Variants in CASP10 observed in about 807,000 individuals in gnomAD.
The protein encoded by CASP10 is caspase-10.
In CASP10, 41 loss-of-function variants were observed where a neutral mutation model predicts 48.5. The observed-to-expected ratio is 0.85, with a 90% CI of 0.66 to 1.10. CASP10 has a LOEUF of 1.10. CASP10 is among the 50% of genes least tolerant of loss of function. The pLI, the probability that CASP10 is intolerant of heterozygous loss-of-function variation, is 0.00. For synonymous variants in CASP10, 232 were observed against 238.4 expected, an observed-to-expected ratio of 0.97 and a Z score of 0.25; for missense variants, 614 against 614.5, an observed-to-expected ratio of 1.00 and a Z score of 0.01.
intron 3 of CASP10, among the ~76,000 whole-genome samples, chr2:201,189,952 G>A (rs1944550510): frequency 6.6e-6 from 1 of 152,102 alleles, no homozygotes; most frequent in Non-Finnish European, 1.5e-5. Context: ...GTGAGCAATG[G>A]CTGTGCCATT....
In CASP10 at chr2:201,217,913, T is replaced by C. The variant is rs533505885; in HGVS notation, c.*172T>C. On this transcript the variant is annotated 3_prime_UTR_variant, in exon 10 of 10. Transcript: ENST00000286186. ...CTTTTTCTTTTGCAAGTCTAAATGTTAGAAAACTTTCTTTTTTTTGGAGAT... is the reference window on the plus strand; with the variant it reads ...CTTTTTCTTTTGCAAGTCTAAATGTCAGAAAACTTTCTTTTTTTTGGAGAT... 1 of 1,495,236 alleles carries C rather than the reference T, an allele frequency of 6.7e-7. No individual in the cohort carries two copies. The highest frequency in any genetic ancestry group is 2.3e-5 in the Admixed American group (1 of 43,112). 92.6% of individuals were successfully genotyped at this position (1,495,236 alleles called of 1,614,324 possible).
chr2:201,228,837 TA>T, intron 9 of CASP10: 3 of 1,046,040 alleles, frequency 2.9e-6, no homozygotes, highest in Non-Finnish European at 2.9e-6. Flanking sequence ...CAGCTGCCCA[TA>T]AAAAAGCTAT....
intron 3 of CASP10, among the ~76,000 whole-genome samples, chr2:201,190,512 A>G (rs940239101): frequency 1.3e-5 from 2 of 152,190 alleles, no homozygotes; most frequent in Non-Finnish European, 2.9e-5. Context: ...AGAATTTCTC[A>G]AAGTCAGAGG....
rs1395861623 is a variant in CASP10, at chr2:201,193,216, TG to T, written c.577+98del. 3 of 1,335,438 alleles carry T rather than the reference TG, an allele frequency of 2.2e-6. No individual in the cohort carries two copies. In the East Asian group the frequency reaches 7.4e-5, roughly 33 times the overall value. The allele number at this position is 1,335,438 out of a possible 1,614,324, so 82.7% of individuals were successfully genotyped here. A position where few individuals can be genotyped will look rare whatever the true frequency, so the allele number is the denominator to read the frequency against. Reference sequence around the variant, plus strand: ...TTTGATTATTTGTTTTGTTTTGTTTTGTTTTGAGGCAGAGTCTCACTCACTC... The same window carrying T: ...TTTGATTATTTGTTTTGTTTTGTTTTTTTTGAGGCAGAGTCTCACTCACTC... On this transcript the variant is annotated intron_variant, in intron 4 of 9. Transcript: ENST00000286186.
intron 1 of CASP10, among the ~76,000 whole-genome samples, chr2:201,183,710 A>G (rs778993393): frequency 6.6e-6 from 1 of 152,202 alleles, no homozygotes; most frequent in African/African-American, 2.4e-5. Context: ...TTTTAACACC[A>G]AAAGTAATGT....
At chr2:201,195,003 A>C (rs1372456781) in intron 4 of CASP10, among the ~76,000 whole-genome samples, 1 of 151,514 alleles carries the variant, frequency 6.6e-6, no homozygotes. Context: ...GGTCTCGATC[A>C]CCTGACCTCA....
chr2:201,228,905 C>T (rs761226739), intron 9 of CASP10: 1 of 1,612,008 alleles, frequency 6.2e-7, no homozygotes, highest in African/African-American at 1.3e-5. Flanking sequence ...GTCAAAGTTC[C>T]CCTTTTATTT....
downstream of CASP10, among the ~76,000 whole-genome samples, chr2:201,225,060 C>T (rs555926987): frequency 6.6e-6 from 1 of 152,214 alleles, no homozygotes; most frequent in South Asian, 2.1e-4. Flanking sequence ...GTTTCAATTC[C>T]AAGCATGTCC....
At chr2:201,198,327 G>A (rs1206613765) in intron 5 of CASP10, among the ~76,000 whole-genome samples, 2 of 149,536 alleles carry the variant, frequency 1.3e-5, no homozygotes, top group African/African-American at 2.5e-5. Flanking sequence ...AGGTTCAAGC[G>A]ATTCTCCTGC....
chr2:201,185,622 A>G (rs980062872), intron 1 of CASP10, 149 bp from the exon 2 acceptor site: 27 of 648,720 alleles, frequency 4.2e-5, no homozygotes, highest in Non-Finnish European at 6.9e-5. Flanking sequence ...TTTTTGAAGT[A>G]GCCTCGCCGT....
At position 201,186,103 on chromosome 2, in the gene CASP10, G is replaced by T; in HGVS notation, c.326G>T (p.Arg109Leu). The T allele has an allele frequency of 6.2e-7, 1 of 1,611,962 alleles. No individual in the cohort carries two copies. Among genetic ancestry groups the T allele is most frequent in the South Asian group, 1.1e-5 (1 of 90,966 alleles). ...GAAGTGGAGCGACTGCTGCCCACCC[G>T]ACAAAGGGTTTCTCTGTTTAGGTGA... Reference protein sequence around the residue: ...KEEVERLLPTRQRVSLFRNLL... With the variant: ...KEEVERLLPTLQRVSLFRNLL... Residue 109 changes from arginine to leucine, a missense_variant, in exon 2 of 10, where the codon CGA becomes CTA. Coordinates refer to ENST00000286186, the MANE Select transcript of CASP10 (RefSeq NM_032977.4).
At chr2:201,200,649 A>G in intron 5 of CASP10, 1 of 1,423,886 alleles carries the variant, frequency 7.0e-7, no homozygotes, top group Non-Finnish European at 9.2e-7. Flanking sequence ...ATTTGAGGGA[A>G]TCTCAGCTTT....
At chr2:201,205,773 G>C in intron 6 of CASP10, 109 bp from the exon 7 acceptor site, 1 of 736,234 alleles carries the variant, frequency 1.4e-6, no homozygotes, top group South Asian at 1.5e-5. Flanking sequence ...TTTGTCTCAG[G>C]AGGGCCTTGA....
In CASP10 at chr2:201,220,585, C is replaced by T. The variant is rs886055424; in HGVS notation, c.*2844C>T. Reference sequence around the variant, plus strand: ...CAATCCAAGCCTCTGATAAACTCTCCCACCCTAAATCCTTAAAAACTCTTA... The same window carrying T: ...CAATCCAAGCCTCTGATAAACTCTCTCACCCTAAATCCTTAAAAACTCTTA... On this transcript the variant is annotated 3_prime_UTR_variant, in exon 10 of 10. Transcript: ENST00000286186. The T allele has an allele frequency of 2.0e-5, 4 of 198,820 alleles. No homozygotes were observed. Among genetic ancestry groups the T allele is most frequent in the Non-Finnish European group, 9.0e-6 (1 of 110,816 alleles). The allele number at this position is 198,820 out of a possible 1,614,324, so 12.3% of individuals were successfully genotyped here. A position where few individuals can be genotyped will look rare whatever the true frequency, so the allele number is the denominator to read the frequency against.
chr2:201,209,255 G>A lies in CASP10; in HGVS notation c.1108G>A (p.Ala370Thr), dbSNP rs1425704499. The change falls in exon 9 of 10, where the codon GCC becomes ACC. Residue 370 changes from alanine (A) to threonine (T), a missense_variant. Ala to Thr is a moderately conservative substitution (Grantham distance 58). Transcript: ENST00000286186. ...RFGAVYSSDE[A>T]LIPIREIMSH... Reference sequence around the variant, plus strand: ...TGGAGCTGTCTACTCTTCGGATGAGGCCCTCATTCCCATTCGGGAGATCAT... The same window carrying A: ...TGGAGCTGTCTACTCTTCGGATGAGACCCTCATTCCCATTCGGGAGATCAT... 1 of 1,614,052 alleles carries A rather than the reference G, an allele frequency of 6.2e-7. No individual in the cohort carries two copies. Among genetic ancestry groups the A allele is most frequent in the Non-Finnish European group, 8.5e-7 (1 of 1,180,034 alleles).
intron 3 of CASP10, among the ~76,000 whole-genome samples, chr2:201,190,284 A>G (rs200584160): frequency 6.6e-6 from 1 of 152,118 alleles, no homozygotes; most frequent in Non-Finnish European, 1.5e-5. Context: ...GTATATACAC[A>G]TATGTATACA....
chr2:201,226,344 CTA>C (rs912410568), downstream of CASP10, among the ~76,000 whole-genome samples: 5 of 152,160 alleles, frequency 3.3e-5, no homozygotes, highest in Admixed American at 6.5e-5. Context: ...AAAGGGAACT[CTA>C]TTACATCGAT....
Position 201,197,969 on chromosome 2 carries a change from C to T in CASP10, c.684+2021C>T, listed in dbSNP as rs553487488. 7.9e-5 allele frequency among the ~76,000 whole-genome samples: 12 copies of T among 152,214 alleles called. No homozygotes were observed. In the South Asian group the frequency reaches 1.5e-3, roughly 18 times the overall value. On this transcript the variant is annotated intron_variant, in intron 5 of 9. Transcript: ENST00000286186. ...CAGTGACTATACCATTTTACATTTCCACCAGCTGTGCACACATCCTCAGCA... is the reference window on the plus strand; with the variant it reads ...CAGTGACTATACCATTTTACATTTCTACCAGCTGTGCACACATCCTCAGCA...
At chr2:201,184,854 A>G (rs577877597) in intron 1 of CASP10, among the ~76,000 whole-genome samples, 7 of 152,180 alleles carry the variant, frequency 4.6e-5, no homozygotes, top group Non-Finnish European at 7.3e-5. Flanking sequence ...AAACAAGTTT[A>G]TTAGAGAAGT....
Sources: gnomAD v4.1 joint callset for allele counts (sites outside exome capture counted in the v4.1 genomes callset) on GRCh38, gnomAD v4.1.1 for gene constraint, MANE v1.5 for transcripts, NCBI Gene and HGNC (gene_info 2026-07-23, HGNC 2026-07-21) for gene names.